SLC5A11: variants seen among roughly 807,000 people sequenced by gnomAD.
SLC5A11 encodes the protein sodium/myo-inositol cotransporter 2.
SLC5A11 carries 48 observed loss-of-function variants against 69.8 expected under a neutral mutation model. The ratio of observed to expected loss-of-function variants is 0.69; its 90% CI spans 0.55 to 0.87. The LOEUF (loss-of-function observed/expected upper bound fraction) is 0.87, where lower values mean the gene tolerates loss of function less well. Among genes scored for constraint, SLC5A11 ranks in the 40% least tolerant of loss-of-function variants. The probability of loss-of-function intolerance (pLI) is 0.00; values close to 1 mark genes in which losing one functional copy is unlikely to be tolerated. For synonymous variants in SLC5A11, 319 were observed against 342.4 expected (o/e 0.93, Z 0.75); for missense variants, 784 against 866.1 (o/e 0.91, Z 1.19).
At chr16:24,886,813 G>A (rs1466259877) in intron 8 of SLC5A11, among the ~76,000 whole-genome samples, 1 of 152,130 alleles carries the variant, frequency 6.6e-6, no homozygotes, top group Admixed American at 6.6e-5. Context: ...TGGATGTGGT[G>A]GTGCACACCT....
rs368448342 is a variant in SLC5A11 at position 24,908,771 on chromosome 16, G to A, written c.1435-110G>A. On this transcript the variant is annotated intron_variant, in intron 13 of 15. Coordinates refer to ENST00000347898, the Ensembl canonical transcript of SLC5A11. Reference sequence around the variant, plus strand: ...CAGAACCTTTTCAAATTGCTGACCCGTGCTTGCAGTGACCACCACAAGAAA... The same window carrying A: ...CAGAACCTTTTCAAATTGCTGACCCATGCTTGCAGTGACCACCACAAGAAA... 7.5e-5 allele frequency: 68 copies of A among 908,876 alleles called. No homozygotes were observed. In the Middle Eastern group the frequency reaches 1.0e-3, roughly 13 times the overall value. The allele number at this position is 908,876 out of a possible 1,614,324, so 56.3% of individuals were successfully genotyped here.
chr16:24,858,288 T>C (rs540203301), intron 1 of SLC5A11, among the ~76,000 whole-genome samples: 1 of 152,344 alleles, frequency 6.6e-6, no homozygotes, highest in African/African-American at 2.4e-5. Flanking sequence ...CTGACTCAGG[T>C]GTCTCATTTT....
At chr16:24,887,706 G>A (rs141408083) in intron 8 of SLC5A11, among the ~76,000 whole-genome samples, 1 of 152,092 alleles carries the variant, frequency 6.6e-6, no homozygotes, top group African/African-American at 2.4e-5. Context: ...GTTACAATCT[G>A]TGTGGCTGTT....
chr16:24,854,579 A>G (rs1420655133), intron 1 of SLC5A11, among the ~76,000 whole-genome samples: 2 of 151,874 alleles, frequency 1.3e-5, no homozygotes, highest in Non-Finnish European at 2.9e-5. Context: ...ACAGTTGCAT[A>G]CCACCACACC....
intron 4 of SLC5A11, among the ~76,000 whole-genome samples, chr16:24,870,315 C>T (rs1314434198): frequency 6.6e-6 from 1 of 151,824 alleles, no homozygotes; most frequent in Non-Finnish European, 1.5e-5. Flanking sequence ...ATCATCTGAA[C>T]CCGGGAGGCG....
chr16:24,849,666 G>A (rs2059215386), intron 1 of SLC5A11, among the ~76,000 whole-genome samples: 1 of 142,312 alleles, frequency 7.0e-6, no homozygotes, highest in Non-Finnish European at 1.5e-5. Flanking sequence ...ACAGGTCTGG[G>A]CTCAGAAGGT....
chr16:24,871,178 G>T (rs1440877033), intron 4 of SLC5A11, among the ~76,000 whole-genome samples: 1 of 152,182 alleles, frequency 6.6e-6, no homozygotes, highest in Admixed American at 6.5e-5. Context: ...CACTGCCTGG[G>T]TTTACATTCT....
chr16:24,862,606 A>C (rs765193720), exon 3 of SLC5A11: 1 of 1,611,896 alleles, frequency 6.2e-7, no homozygotes, highest in East Asian at 2.2e-5. Flanking sequence ...TTCAGTCCAC[A>C]GTGAAGACCA....
At position 24,898,024 on chromosome 16, in the gene SLC5A11, A is replaced by AGGTG. The variant is rs949062566; in HGVS notation, c.922_925dup (p.Ala309GlyfsTer87). 2.5e-6 allele frequency: 4 copies of AGGTG among 1,614,024 alleles called. No homozygotes were observed. The African/African-American group carries it at 5.3e-5, about 22-fold the overall frequency. The stretch of plus-strand genomic sequence containing the variant: ...CCAAGAACCTGTCCCATGCCAAAGG[A>AGGTG]GGTGCTCTGATGGCTGCATACCTGA... On this transcript the variant is annotated frameshift_variant, in exon 10 of 16. Coordinates refer to ENST00000347898, the Ensembl canonical transcript of SLC5A11. LOFTEE classifies it high-confidence loss of function.
At chr16:24,906,968 G>C in intron 11 of SLC5A11, 57 bp from the exon 13 acceptor site, 1 of 1,589,640 alleles carries the variant, frequency 6.3e-7, no homozygotes. Context: ...GAGCCCACTG[G>C]GATCGGCTGC....
At chr16:24,870,475 AAC>A (rs2047219231) in intron 4 of SLC5A11, among the ~76,000 whole-genome samples, 1 of 149,518 alleles carries the variant, frequency 6.7e-6, no homozygotes, top group Non-Finnish European at 1.5e-5. Flanking sequence ...AAACCCAAAA[AAC>A]ACAAAAAAAA....
At chr16:24,849,776 A>G (rs1384358855) in intron 1 of SLC5A11, among the ~76,000 whole-genome samples, 3 of 151,090 alleles carry the variant, frequency 2.0e-5, no homozygotes, top group African/African-American at 7.3e-5. Context: ...CTCACTGGGC[A>G]TATGCCCTGT....
intron 9 of SLC5A11, among the ~76,000 whole-genome samples, chr16:24,893,116 CAAAAAAAAAAAAAA>C (rs58331547): frequency 0.6 from 59,554 of 99,586 alleles, 13,643 homozygotes; most frequent in Non-Finnish European, 0.64. Flanking sequence ...ACTAAAAATA[CAAAAAAAAAAAAAA>C]AAAAAAAAAA....
chr16:24,887,211 C>G (rs1002456074), intron 8 of SLC5A11, among the ~76,000 whole-genome samples: 6 of 152,198 alleles, frequency 3.9e-5, no homozygotes, highest in South Asian at 2.1e-4. Flanking sequence ...ACCTATGTGC[C>G]TGTCTTGAAG....
intron 1 of SLC5A11, among the ~76,000 whole-genome samples, chr16:24,856,001 GC>G (rs2059512098): frequency 6.6e-6 from 1 of 152,188 alleles, no homozygotes; most frequent in South Asian, 2.1e-4. Context: ...CATCAAGGCT[GC>G]CCCCTGTCTG....
chr16:24,855,834 C>T (rs576274825), intron 1 of SLC5A11, among the ~76,000 whole-genome samples: 135 of 152,274 alleles, frequency 8.9e-4, no homozygotes, highest in Non-Finnish European at 1.5e-3. Flanking sequence ...CTTGGACTTT[C>T]TCCAGAACTG....
rs547519631 is a variant in SLC5A11, at chr16:24,884,140, G to A, written c.664+9G>A. 61 of 1,613,764 alleles carry A rather than the reference G, an allele frequency of 3.8e-5. No homozygotes were observed. The East Asian group carries it at 1.3e-3, about 35-fold the overall frequency. ...CACCTTGATGGGCTACAGTAAGTGG[G>A]GTCCCCGGGTCACTGGGGCGGACAA... is the stretch of plus-strand genomic sequence containing the variant. On this transcript the variant is annotated intron_variant, in intron 8 of 15. Transcript: ENST00000347898.
chr16:24,901,956 A>ACACACACACG (rs1393594765), intron 10 of SLC5A11, among the ~76,000 whole-genome samples: 124 of 95,872 alleles, frequency 1.3e-3, no homozygotes, highest in African/African-American at 3.6e-3. Context: ...ACACACACAC[A>ACACACACACG]CGCACACACA....
exon 13 of SLC5A11, chr16:24,907,965 T>G (rs753933905): frequency 1.1e-5 from 18 of 1,613,712 alleles, no homozygotes; most frequent in Non-Finnish European, 8.5e-7. Context: ...GGCACCAGGG[T>G]GTTTGTGCTG....
Sources: gnomAD v4.1 joint callset for allele counts (sites outside exome capture counted in the v4.1 genomes callset) on GRCh38, gnomAD v4.1.1 for gene constraint, MANE v1.5 for transcripts, NCBI Gene and HGNC (gene_info 2026-07-23, HGNC 2026-07-21) for gene names.